MED14: variants seen among roughly 807,000 people sequenced by gnomAD.
MED14 encodes the protein mediator complex subunit 14, also known as mediator of RNA polymerase II transcription subunit 14.
In MED14, 8 loss-of-function variants were observed where a neutral mutation model predicts 109.0. The ratio of observed to expected loss-of-function variants is 0.07; its 90% CI spans 0.04 to 0.13. The LOEUF is 0.13. MED14 is among the 10% of genes least tolerant of loss of function. The pLI is 1.00. For missense variants in MED14, 711 were observed against 1,142.4 expected, an observed-to-expected ratio of 0.62 and a Z score of 5.44; for synonymous variants, 399 against 408.7, an observed-to-expected ratio of 0.98 and a Z score of 0.29.
intron 15 of MED14, among the ~76,000 whole-genome samples, chrX:40,689,038 A>C (rs1930398421): frequency 8.9e-6 from 1 of 112,590 alleles, no homozygotes; most frequent in African/African-American, 3.2e-5. Flanking sequence ...ACCCAATGAC[A>C]TCTCTTTCCC....
chrX:40,662,919 C>A lies in MED14; in HGVS notation c.3684+6G>T. 1 of 1,183,935 alleles carries A rather than the reference C, an allele frequency of 8.4e-7. No homozygotes were observed. The highest frequency in any genetic ancestry group is 1.1e-6 in the Non-Finnish European group (1 of 871,911). Reference sequence around the variant, plus strand: ...CACCACTTAGAAGGTCATTAGGTACCCATACCGTTTCTTGTTGAATAATTC... The same window carrying A: ...CACCACTTAGAAGGTCATTAGGTACACATACCGTTTCTTGTTGAATAATTC... On this transcript the variant is annotated splice_donor_region_variant and intron_variant, in intron 26 of 30. Transcript: ENST00000324817.
At chrX:40,692,347 TAAAA>T (rs11292945) in intron 14 of MED14, 30 bp from the exon 15 acceptor site, 401 of 873,328 alleles carry the variant, frequency 4.6e-4, no homozygotes, top group Middle Eastern at 6.2e-4. Flanking sequence ...CACAAACAGG[TAAAA>T]AAAAAAAAAA....
chrX:40,670,530 G>A (rs1407704677), intron 23 of MED14, among the ~76,000 whole-genome samples: 1 of 111,324 alleles, frequency 9.0e-6, no homozygotes, highest in East Asian at 2.8e-4. Flanking sequence ...GGGAGGCCGA[G>A]GCGGGTGGAT....
intron 16 of MED14, among the ~76,000 whole-genome samples, chrX:40,683,488 T>C (rs1295983295): frequency 8.9e-6 from 1 of 112,198 alleles, no homozygotes; most frequent in Non-Finnish European, 1.9e-5. Context: ...TATGTGTCAT[T>C]GACGAAGAAA....
rs751158233 is a variant in MED14, at chrX:40,682,947, G to A, written c.2107C>T (p.Arg703Cys). The change falls in exon 17 of 31, where the codon CGC becomes TGC. Residue 703 changes from arginine (R) to cysteine (C), a missense_variant. Physicochemically the swap from Arg to Cys is radical, Grantham distance 180. Around this residue, in one of 8 missense-constraint regions of MED14, gnomAD observed 388 missense variants for 517.3 expected, o/e 0.75. Transcript: ENST00000324817. The part of the protein sequence containing the change: ...ITEETQKALD[R>C]SLLDCTFRLQ... ...CGGAAAGTGCAATCAAGAAGAGAGC[G>A]GTCCAGAGCCTTTTGGGTTTCCTCA... 9.1e-6 allele frequency: 11 copies of A among 1,208,710 alleles called. No homozygotes were observed. The African/African-American group carries it at 1.4e-4, about 15-fold the overall frequency.
intron 13 of MED14, 51 bp downstream of exon 13, chrX:40,696,973 T>C (rs1930746679): frequency 1.5e-5 from 15 of 989,173 alleles, no homozygotes; most frequent in Non-Finnish European, 2.0e-5. Flanking sequence ...TTCAAGATAC[T>C]AACAGAATTA....
At chrX:40,700,382 AAAAAAAAAAAT>A (rs1288328779) in intron 12 of MED14, among the ~76,000 whole-genome samples, 1 of 100,291 alleles carries the variant, frequency 1.0e-5, no homozygotes, top group Non-Finnish European at 2.0e-5. Context: ...AAAAAAAAAA[AAAAAAAAAAAT>A]TCATGCCCTG....
intron 1 of MED14, 40 bp from the exon 2 acceptor site, chrX:40,729,385 C>T (rs1480572468): frequency 8.9e-7 from 1 of 1,120,598 alleles, no homozygotes; most frequent in Admixed American, 2.5e-5. Context: ...TACATGCATA[C>T]CTTCATTCTA....
chrX:40,659,737 G>C, intron 26 of MED14, 130 bp from the exon 27 acceptor site: 1 of 542,914 alleles, frequency 1.8e-6, no homozygotes, highest in Admixed American at 4.3e-5. Flanking sequence ...ACAGCATTGA[G>C]CATCAGCTGC....
Position 40,712,891 on chromosome X carries a change from T to G in MED14, c.781+23A>C, listed in dbSNP as rs755268056. The G allele has an allele frequency of 6.2e-6, 7 of 1,120,340 alleles. No homozygotes were observed. In the South Asian group the frequency reaches 1.6e-4, roughly 25 times the overall value. 92.3% of individuals were successfully genotyped at this position (1,120,340 alleles called of 1,213,427 possible). On this transcript the variant is annotated intron_variant, in intron 6 of 30. Coordinates refer to ENST00000324817, the MANE Select transcript of MED14 (RefSeq NM_004229.4). Reference sequence around the variant, plus strand: ...AAACATTTAAACTAATACTTATGATTTAAATCACTACTTATGATTTACCTC... The same window carrying G: ...AAACATTTAAACTAATACTTATGATGTAAATCACTACTTATGATTTACCTC...
intron 11 of MED14, among the ~76,000 whole-genome samples, chrX:40,702,876 C>T (rs1226570527): frequency 3.6e-5 from 4 of 111,875 alleles, no homozygotes; most frequent in Non-Finnish European, 7.5e-5. Flanking sequence ...TAGCAGATGT[C>T]CTAATATATT....
chrX:40,680,720 C>T, intron 20 of MED14, 38 bp downstream of exon 20: 5 of 1,141,201 alleles, frequency 4.4e-6, no homozygotes, highest in Non-Finnish European at 5.9e-6. Context: ...GGCTGGCATA[C>T]TAAGTCTTAT....
chrX:40,714,902 G>C (rs1322592263), intron 3 of MED14, 192 bp from the exon 4 acceptor site: 2 of 361,628 alleles, frequency 5.5e-6, no homozygotes, highest in Admixed American at 5.2e-5. Context: ...TTGATATTAA[G>C]AGCAATAATT....
chrX:40,665,646 G>A (rs1011796787), intron 24 of MED14, among the ~76,000 whole-genome samples: 1 of 112,495 alleles, frequency 8.9e-6, no homozygotes, highest in East Asian at 2.8e-4. Context: ...CTATGAAAAT[G>A]TCCAAGGTCT....
chrX:40,664,414 TGAG>T lies in MED14; in HGVS notation c.3338_3340del (p.Pro1113del). ...TGCTGCTGGTGAGGGGCCAGACACT[TGAG>T]GAGATCCTGGCCAGTTCCCTGCTCG... On this transcript the variant is annotated inframe_deletion, in exon 25 of 31. Coordinates refer to ENST00000324817, the MANE Select transcript of MED14 (RefSeq NM_004229.4). 6 of 1,199,006 alleles carry T rather than the reference TGAG, an allele frequency of 5.0e-6. No individual in the cohort carries two copies. The highest frequency in any genetic ancestry group is 1.7e-5 in the African/African-American group (1 of 57,268).
At chrX:40,700,714 G>A (rs1418014378) in intron 12 of MED14, among the ~76,000 whole-genome samples, 1 of 111,738 alleles carries the variant, frequency 8.9e-6, no homozygotes, top group African/African-American at 3.3e-5. Flanking sequence ...TAGTTTAACA[G>A]TGTGAAGCAT....
At chrX:40,723,580 C>T (rs1931793206) in intron 3 of MED14, among the ~76,000 whole-genome samples, 1 of 97,754 alleles carries the variant, frequency 1.0e-5, no homozygotes, top group South Asian at 5.6e-4. Context: ...GCAGTAGAAT[C>T]GCTTGAATCT....
chrX:40,684,255 CAGT>C (rs919069347), intron 16 of MED14, among the ~76,000 whole-genome samples: 2 of 111,422 alleles, frequency 1.8e-5, no homozygotes, highest in African/African-American at 6.5e-5. Flanking sequence ...TACTAGGTGC[CAGT>C]AGCACTTCCT....
intron 30 of MED14, 109 bp downstream of exon 30, chrX:40,654,255 T>C (rs776515962): frequency 3.3e-4 from 218 of 653,490 alleles, no homozygotes; most frequent in Middle Eastern, 4.7e-4. Flanking sequence ...ATTGCTATGA[T>C]TGGGTGGTAG....
Sources: gnomAD v4.1 joint callset for allele counts (sites outside exome capture counted in the v4.1 genomes callset) on GRCh38, gnomAD v4.1.1 for gene constraint, gnomAD v4.1.1 regional missense constraint, MANE v1.5 for transcripts, NCBI Gene and HGNC (gene_info 2026-07-23, HGNC 2026-07-21) for gene names.